The following TCERG1L variants were observed in gnomAD, a reference collection of about 807,000 sequenced individuals.
The protein encoded by TCERG1L is transcription elongation regulator 1-like protein.
Under a neutral mutation model 56.3 loss-of-function variants are expected in TCERG1L, and 37 were observed. The ratio of observed to expected loss-of-function variants is 0.66; its 90% CI spans 0.51 to 0.87. The LOEUF is 0.87. Among genes scored for constraint, TCERG1L ranks in the 40% least tolerant of loss-of-function variants. The probability of loss-of-function intolerance (pLI) is 0.00; values close to 1 mark genes in which losing one functional copy is unlikely to be tolerated. For synonymous variants in TCERG1L, 324 were observed against 326.3 expected (o/e 0.99, Z 0.08); for missense variants, 799 against 774.2 (o/e 1.03, Z -0.38).
chr10:131,287,021 T>A (rs376905963), intron 3 of TCERG1L, among the ~76,000 whole-genome samples: 72 of 152,256 alleles, frequency 4.7e-4, no homozygotes, highest in African/African-American at 1.7e-3. Flanking sequence ...CATGCTGGAA[T>A]AATAATGTTC....
intron 4 of TCERG1L, among the ~76,000 whole-genome samples, chr10:131,245,938 G>T (rs77155961): frequency 0.11 from 17,031 of 152,114 alleles, 1,313 homozygotes; most frequent in East Asian, 0.22. Context: ...GCAGCGCCAG[G>T]GAGCAAGGTC....
chr10:131,234,269 C>T (rs760970790), intron 4 of TCERG1L, among the ~76,000 whole-genome samples: 3 of 152,208 alleles, frequency 2.0e-5, no homozygotes, highest in African/African-American at 4.8e-5. Context: ...GTGAGAGTCC[C>T]TGCTACCTTT....
At chr10:131,227,860 A>C (rs1015399967) in intron 4 of TCERG1L, among the ~76,000 whole-genome samples, 4 of 150,898 alleles carry the variant, frequency 2.7e-5, no homozygotes, top group Non-Finnish European at 4.4e-5. Flanking sequence ...CTAATATTTA[A>C]ATTTGACCTG....
At chr10:131,096,371 C>T (rs769105891) in intron 11 of TCERG1L, among the ~76,000 whole-genome samples, 3 of 152,230 alleles carry the variant, frequency 2.0e-5, no homozygotes, top group Non-Finnish European at 4.4e-5. Flanking sequence ...TGGAAAATCA[C>T]AAGTTGCAGG....
At position 131,093,317 on chromosome 10, in the gene TCERG1L, T is replaced by C; in HGVS notation, c.1606A>G (p.Thr536Ala). The change falls in exon 12 of 12, where the codon ACC becomes GCC. Residue 536 changes from threonine (T) to alanine (A), a missense_variant and splice_region_variant. Physicochemically the swap from Thr to Ala is moderately conservative, Grantham distance 58. Coordinates refer to ENST00000368642, the MANE Select transcript of TCERG1L (RefSeq NM_174937.4). The part of the protein sequence containing the change: ...LLEESKVSPR[T>A]TFKEFAEKYG... The stretch of plus-strand genomic sequence containing the variant: ...TTCTCTGCAAACTCCTTAAACGTGG[T>C]CCTGAAAAAGAAAGAGTTTCCTGAG... The C allele has an allele frequency of 6.2e-7, 1 of 1,611,524 alleles. No homozygotes were observed. Among genetic ancestry groups the C allele is most frequent in the South Asian group, 1.1e-5 (1 of 90,442 alleles).
At chr10:131,185,971 G>A (rs917195451) in intron 4 of TCERG1L, among the ~76,000 whole-genome samples, 17 of 152,228 alleles carry the variant, frequency 1.1e-4, no homozygotes, top group African/African-American at 3.9e-4. Flanking sequence ...GAGCATCAAT[G>A]GATGGGTGAA....
chr10:131,184,184 T>C (rs1207178704), intron 4 of TCERG1L, among the ~76,000 whole-genome samples: 1 of 152,258 alleles, frequency 6.6e-6, no homozygotes, highest in Non-Finnish European at 1.5e-5. Flanking sequence ...GATGACTTCA[T>C]TGTCCTTCCA....
chr10:131,284,140 A>G (rs1414655784), intron 3 of TCERG1L, among the ~76,000 whole-genome samples: 2 of 151,550 alleles, frequency 1.3e-5, no homozygotes, highest in African/African-American at 2.4e-5. Context: ...AAAAAAAAAA[A>G]AAAGAAAAGA....
rs1271516444 is a variant in TCERG1L at position 131,267,645 on chromosome 10, C to CAGGACATGGCAGAGTGTG, written c.671-7219_671-7202dup. Among the ~76,000 whole-genome samples the CAGGACATGGCAGAGTGTG allele has an allele frequency of 6.6e-6, 1 of 152,218 alleles. No individual in the cohort carries two copies. The highest frequency in any genetic ancestry group is 1.5e-5 in the Non-Finnish European group (1 of 68,042). ...CTTTGGCCGGGTGCTTATGGGCTCC[C>CAGGACATGGCAGAGTGTG]AGGACATGGCAGAGTGTGAGGTTGA... On this transcript the variant is annotated intron_variant, in intron 3 of 11. Transcript: ENST00000368642. This position sits in a 1 kb window ranked among gnomAD's most constrained non-coding sequence, Gnocchi z 4.9.
Position 131,309,315 on chromosome 10 carries a change from GAA to G in TCERG1L, c.343-18_343-17del. The G allele has an allele frequency of 6.3e-7, 1 of 1,593,250 alleles. No homozygotes were observed. ...CAAACAGCCACTGCAAGCCAAGCAA[GAA>G]AAGACAGCTGCATTAGCCTGAATCC... On this transcript the variant is annotated splice_polypyrimidine_tract_variant and intron_variant, in intron 1 of 11. Transcript: ENST00000368642.
chr10:131,210,113 T>A (rs1439803992), intron 4 of TCERG1L, among the ~76,000 whole-genome samples: 1 of 152,236 alleles, frequency 6.6e-6, no homozygotes, highest in Non-Finnish European at 1.5e-5. Context: ...ATATTCAACA[T>A]GAAATCCATT....
chr10:131,247,915 C>G (rs889048292), intron 4 of TCERG1L, among the ~76,000 whole-genome samples: 1 of 152,070 alleles, frequency 6.6e-6, no homozygotes, highest in Non-Finnish European at 1.5e-5. Context: ...CGCACACACA[C>G]GCATACACAC....
At chr10:131,310,354 G>A (rs1489967439) in intron 1 of TCERG1L, among the ~76,000 whole-genome samples, 2 of 152,174 alleles carry the variant, frequency 1.3e-5, no homozygotes, top group Non-Finnish European at 2.9e-5. Context: ...ATCCAGTGCT[G>A]CATATGTGAT....
intron 8 of TCERG1L, among the ~76,000 whole-genome samples, chr10:131,126,585 G>T (rs933028909): frequency 6.6e-6 from 1 of 151,948 alleles, no homozygotes; most frequent in African/African-American, 2.4e-5. Context: ...CCTGCTTTGC[G>T]ACAGACTCTG....
intron 4 of TCERG1L, among the ~76,000 whole-genome samples, chr10:131,218,137 T>C (rs1359867892): frequency 1.3e-5 from 2 of 152,180 alleles, no homozygotes; most frequent in African/African-American, 4.8e-5. Context: ...TTCCCACCTG[T>C]GTCCCTTCCT....
At chr10:131,305,660 G>A (rs1418561919) in intron 3 of TCERG1L, among the ~76,000 whole-genome samples, 1 of 151,972 alleles carries the variant, frequency 6.6e-6, no homozygotes, top group African/African-American at 2.4e-5. Flanking sequence ...AAGAAAATAA[G>A]CTTAGCTCAC....
intron 3 of TCERG1L, among the ~76,000 whole-genome samples, chr10:131,285,499 A>G (rs1846518780): frequency 8.6e-5 from 2 of 23,218 alleles, no homozygotes; most frequent in Non-Finnish European, 2.8e-4. Flanking sequence ...AAAGAAAGAA[A>G]GAAAGAAAGA....
At chr10:131,220,654 C>T (rs4751348) in intron 4 of TCERG1L, among the ~76,000 whole-genome samples, 31,229 of 152,168 alleles carry the variant, frequency 0.21, 3,996 homozygotes, top group South Asian at 0.43. Context: ...CAGGACCCTG[C>T]CTCAGCTGTA....
intron 4 of TCERG1L, among the ~76,000 whole-genome samples, chr10:131,244,286 A>T (rs879037884): frequency 6.6e-6 from 1 of 152,224 alleles, no homozygotes; most frequent in Admixed American, 6.5e-5. Flanking sequence ...GTGACCGTGA[A>T]GCATGAGAAA....
Sources: allele counts gnomAD v4.1 joint callset (sites outside exome capture counted in the v4.1 genomes callset), GRCh38; gene constraint gnomAD v4.1.1; non-coding constraint Gnocchi (gnomAD v3.1); transcripts MANE v1.5; gene names NCBI Gene and HGNC (gene_info 2026-07-23, HGNC 2026-07-21).